COL6A5: variants seen among roughly 807,000 people sequenced by gnomAD.
COL6A5 encodes collagen alpha-5(VI) chain.
A neutral mutation model predicts 65.6 loss-of-function variants in COL6A5; 48 were observed. The ratio of observed to expected loss-of-function variants is 0.73; its 90% confidence interval spans 0.58 to 0.93. The LOEUF is 0.93. Among genes scored for constraint, COL6A5 ranks in the 40% least tolerant of loss-of-function variants. The pLI, the probability that COL6A5 is intolerant of heterozygous loss-of-function variation, is 0.00. For synonymous variants in COL6A5, 291 were observed against 322.8 expected (o/e 0.90, Z 1.05); for missense variants, 914 against 928.3 (o/e 0.98, Z 0.20).
intron 12 of COL6A5, among the ~76,000 whole-genome samples, chr3:130,402,906 A>C (rs1173882266): frequency 2.0e-5 from 3 of 152,260 alleles, no homozygotes; most frequent in African/African-American, 7.2e-5. Flanking sequence ...CTTGCTCATG[A>C]GTTCTGCACT....
intron 1 of COL6A5, among the ~76,000 whole-genome samples, chr3:130,364,180 A>G (rs1397938636): frequency 1.3e-5 from 2 of 152,190 alleles, no homozygotes; most frequent in African/African-American, 4.8e-5. Context: ...TTTTTTCTCA[A>G]ATTTTTATGT....
intron 12 of COL6A5, among the ~76,000 whole-genome samples, chr3:130,402,880 A>C (rs1407216900): frequency 6.6e-6 from 1 of 152,244 alleles, no homozygotes; most frequent in East Asian, 1.9e-4. Context: ...TCTTTAAAAA[A>C]AAGAGATCAA....
At chr3:130,444,298 T>G (rs1395164040) in intron 4 of COL6A5, among the ~76,000 whole-genome samples, 1 of 152,054 alleles carries the variant, frequency 6.6e-6, no homozygotes, top group Non-Finnish European at 1.5e-5. Context: ...TACATCCTCC[T>G]CAGCTTACGA....
exon 4 of COL6A5, chr3:130,379,593 T>C (rs755965049): frequency 7.1e-6 from 11 of 1,551,458 alleles, no homozygotes; most frequent in South Asian, 2.4e-5. Context: ...GTTACAGCAA[T>C]AGTGCCAAGA....
At chr3:130,460,026 G>A (rs887850327) in intron 5 of COL6A5, among the ~76,000 whole-genome samples, 5 of 151,520 alleles carry the variant, frequency 3.3e-5, no homozygotes, top group Admixed American at 3.3e-4. Flanking sequence ...TTGAATACTT[G>A]GATTCCTTCT....
At chr3:130,430,016 A>G (rs114508140), upstream of COL6A5, among the ~76,000 whole-genome samples, 826 of 152,160 alleles carry the variant, frequency 5.4e-3, 10 homozygotes, top group African/African-American at 0.018. Context: ...TTTCCTGCCC[A>G]TGGCTGTGGA....
At chr3:130,424,033 C>G in intron 29 of COL6A5, 133 bp downstream of exon 29, 2 of 576,230 alleles carry the variant, frequency 3.5e-6, no homozygotes, top group Non-Finnish European at 6.0e-6. Context: ...ATGACCCAGT[C>G]ACTGGGTCTT....
In COL6A5 at chr3:130,461,426, A is replaced by C. The variant is rs528738931; in HGVS notation, c.1544+5760A>C. Among the ~76,000 whole-genome samples, 252 of 152,234 alleles carry C rather than the reference A, an allele frequency of 1.7e-3. 1 individual carries two copies. Among genetic ancestry groups the C allele is most frequent in the Non-Finnish European group, 2.8e-3 (188 of 67,986 alleles). On this transcript the variant is annotated intron_variant, in intron 5 of 7. Transcript: ENST00000512836. ...CAGCCACCATATAAGCACTTTATAG[A>C]CATTATTTTATTTAATCTTTATTAA...
chr3:130,386,135 T>C (rs1249149900), intron 5 of COL6A5, among the ~76,000 whole-genome samples: 2 of 152,028 alleles, frequency 1.3e-5, no homozygotes, highest in Non-Finnish European at 2.9e-5. Flanking sequence ...CATGAAAATA[T>C]TGCCTGCTGA....
intron 5 of COL6A5, among the ~76,000 whole-genome samples, chr3:130,459,451 C>T (rs58399309): frequency 0.031 from 4,716 of 152,136 alleles, 97 homozygotes; most frequent in South Asian, 0.074. Context: ...CCTACCCCAC[C>T]CGAGGGGATA....
At chr3:130,405,741 TTC>T in intron 14 of COL6A5, 82 bp downstream of exon 14, 2 of 1,182,654 alleles carry the variant, frequency 1.7e-6, no homozygotes, top group South Asian at 2.8e-5. Context: ...CTCCCTCATT[TTC>T]TCTCTTCCAT....
intron 1 of COL6A5, among the ~76,000 whole-genome samples, chr3:130,372,903 G>A (rs1219068542): frequency 6.6e-6 from 1 of 152,086 alleles, no homozygotes; most frequent in African/African-American, 2.4e-5. Context: ...TTGAGTATCG[G>A]CCATTTAAAT....
chr3:130,350,569 A>G (rs1315770484), intron 1 of COL6A5, among the ~76,000 whole-genome samples: 1 of 152,214 alleles, frequency 6.6e-6, no homozygotes, highest in Non-Finnish European at 1.5e-5. Flanking sequence ...AATTTCTTCA[A>G]AGAGAATAAA....
upstream of COL6A5, among the ~76,000 whole-genome samples, chr3:130,428,680 C>A (rs181796316): frequency 6.6e-6 from 1 of 152,008 alleles, no homozygotes; most frequent in Non-Finnish European, 1.5e-5. Flanking sequence ...AGTACTCAGT[C>A]AGGAAAAAGG....
At chr3:130,389,632 C>T (rs992111287) in intron 6 of COL6A5, among the ~76,000 whole-genome samples, 3 of 151,668 alleles carry the variant, frequency 2.0e-5, no homozygotes, top group Admixed American at 6.6e-5. Context: ...TTATTCTTAA[C>T]CTCTATCAAC....
chr3:130,444,135 C>T (rs1203994192), intron 4 of COL6A5, among the ~76,000 whole-genome samples: 2 of 152,126 alleles, frequency 1.3e-5, no homozygotes, highest in Non-Finnish European at 2.9e-5. Context: ...ACCCGGCTCA[C>T]CAGCAGTCAG....
At chr3:130,368,923 C>T (rs1169729295) in intron 1 of COL6A5, among the ~76,000 whole-genome samples, 2 of 152,192 alleles carry the variant, frequency 1.3e-5, no homozygotes, top group Non-Finnish European at 2.9e-5. Context: ...AGAATTTAAG[C>T]TTTAGCTCAG....
At chr3:130,442,605 T>C (rs1374525680) in intron 3 of COL6A5, among the ~76,000 whole-genome samples, 1 of 152,158 alleles carries the variant, frequency 6.6e-6, no homozygotes, top group African/African-American at 2.4e-5. Flanking sequence ...TGCTGGTATT[T>C]ATGGGAATGT....
intron 1 of COL6A5, among the ~76,000 whole-genome samples, chr3:130,368,675 C>A (rs1438563368): frequency 6.6e-6 from 1 of 151,812 alleles, no homozygotes; most frequent in Non-Finnish European, 1.5e-5. Flanking sequence ...GTCCAGGTGG[C>A]TAGAATGAGT....
Sources: gnomAD v4.1 joint callset for allele counts (sites outside exome capture counted in the v4.1 genomes callset) on GRCh38, gnomAD v4.1.1 for gene constraint, MANE v1.5 for transcripts, NCBI Gene and HGNC (gene_info 2026-07-23, HGNC 2026-07-21) for gene names.